Variants in SCN3A observed in about 807,000 individuals in gnomAD.
SCN3A encodes the protein sodium voltage-gated channel alpha subunit 3.
In SCN3A, 60 loss-of-function variants were observed where a neutral mutation model predicts 187.6. The ratio of observed to expected loss-of-function variants is 0.32; its 90% CI spans 0.26 to 0.40. SCN3A has a LOEUF of 0.40. SCN3A is among the 10% of genes least tolerant of loss of function. SCN3A has a pLI of 1.00. For synonymous variants in SCN3A, 788 were observed against 829.2 expected, an observed-to-expected ratio of 0.95 and a Z score of 0.85; for missense variants, 1,601 against 2,428.2, an observed-to-expected ratio of 0.66 and a Z score of 7.16.
At position 165,101,241 on chromosome 2, in the gene SCN3A, T is replaced by C. The variant is rs965685369; in HGVS notation, c.3844-817A>G. ...ATTCCAAAATCCAAAACACTTCTGGTTTTTGATAAGACTTAACTTGTATTT... is the reference window on the plus strand; with the variant it reads ...ATTCCAAAATCCAAAACACTTCTGGCTTTTGATAAGACTTAACTTGTATTT... On this transcript the variant is annotated intron_variant, in intron 21 of 27. Coordinates refer to ENST00000283254, the MANE Select transcript of SCN3A (RefSeq NM_006922.4). Among the ~76,000 whole-genome samples, 24 of 152,186 alleles carry C rather than the reference T, an allele frequency of 1.6e-4. 1 individual carries two copies. Among genetic ancestry groups the C allele is most frequent in the African/African-American group, 5.8e-4 (24 of 41,462 alleles).
intron 1 of SCN3A, chr2:165,195,354 T>A (rs1350204812): frequency 6.6e-6 from 1 of 152,162 alleles, no homozygotes; most frequent in African/African-American, 2.4e-5. Flanking sequence ...AGGATCCTGA[T>A]AAAATTGCCA....
chr2:165,122,957 G>C (rs1470394354), intron 18 of SCN3A: 1 of 152,106 alleles, frequency 6.6e-6, no homozygotes, highest in Non-Finnish European at 1.5e-5. Context: ...GCTAGATTGT[G>C]TTTGGAATTC....
intron 4 of SCN3A, 63 bp from the exon 5 acceptor site, chr2:165,168,888 A>G (rs1427066431): frequency 8.7e-7 from 1 of 1,155,008 alleles, no homozygotes; most frequent in African/African-American, 1.5e-5. Context: ...ATGATCCAAA[A>G]CACACAAAAA....
intron 2 of SCN3A, among the ~76,000 whole-genome samples, chr2:165,177,262 TG>T (rs1183674394): frequency 6.6e-6 from 1 of 152,190 alleles, no homozygotes; most frequent in Non-Finnish European, 1.5e-5. Flanking sequence ...GTTAAAAGCA[TG>T]GACTCAGGTG....
At chr2:165,099,514 C>T (rs964991497) in intron 22 of SCN3A, among the ~76,000 whole-genome samples, 7 of 152,126 alleles carry the variant, frequency 4.6e-5, no homozygotes, top group South Asian at 2.1e-4. Context: ...GTCAGGGGAT[C>T]GAGACCATCC....
chr2:165,186,299 AAAAC>A (rs1330074592), intron 2 of SCN3A, among the ~76,000 whole-genome samples: 4 of 151,838 alleles, frequency 2.6e-5, no homozygotes, highest in Non-Finnish European at 4.4e-5. Flanking sequence ...CAAAAAAACA[AAAAC>A]AAAAAAAAAA....
chr2:165,168,622 A>G, intron 5 of SCN3A, 114 bp downstream of exon 5: 2 of 801,518 alleles, frequency 2.5e-6, no homozygotes. Context: ...TCATATTATG[A>G]AAATAACTTT....
At chr2:165,192,681 C>T (rs1366623681) in intron 1 of SCN3A, among the ~76,000 whole-genome samples, 3 of 152,128 alleles carry the variant, frequency 2.0e-5, no homozygotes, top group African/African-American at 4.8e-5. Context: ...AAAATGTTCA[C>T]GCTGTCTGAA....
At position 165,128,690 on chromosome 2, in the gene SCN3A, T is replaced by C. The variant is rs562903923; in HGVS notation, c.2923-589A>G. On this transcript the variant is annotated intron_variant, in intron 17 of 27. Transcript: ENST00000283254. ...AACACGTTTCCCATCAAATACACTT[T>C]GAAATTTATATGTTCAAATAGCTCA... Among the ~76,000 whole-genome samples, 4 of 152,352 alleles carry C rather than the reference T, an allele frequency of 2.6e-5. No homozygotes were observed. The East Asian group carries it at 7.7e-4, about 29-fold the overall frequency.
rs978151068 is a variant in SCN3A, at chr2:165,162,111, A to G, written c.1031+197T>C. Among the ~76,000 whole-genome samples the G allele has an allele frequency of 5.9e-4, 90 of 152,310 alleles. 1 individual carries two copies. Among genetic ancestry groups the G allele is most frequent in the African/African-American group, 1.9e-3 (78 of 41,570 alleles). On this transcript the variant is annotated intron_variant, in intron 9 of 27. Transcript: ENST00000283254. Reference sequence around the variant, plus strand: ...AAATTTTGGGGAAAGGTCTTCACAAAGGGATAATTTTTAATTGCTGTGAGT... The same window carrying G: ...AAATTTTGGGGAAAGGTCTTCACAAGGGGATAATTTTTAATTGCTGTGAGT...
rs572791597 is a variant in SCN3A, at chr2:165,188,900, C to T, written c.-247-2153G>A. 1.9e-4 allele frequency among the ~76,000 whole-genome samples: 29 copies of T among 150,670 alleles called. No individual in the cohort carries two copies. In the South Asian group the frequency reaches 5.9e-3, roughly 31 times the overall value. ...TCTGGAGATTCTGCAAAAAGTAGGTCTGAGGTAGGGTCGAGGGATCTGCAT... is the reference window on the plus strand; with the variant it reads ...TCTGGAGATTCTGCAAAAAGTAGGTTTGAGGTAGGGTCGAGGGATCTGCAT... On this transcript the variant is annotated intron_variant, in intron 1 of 27. Transcript: ENST00000283254.
At chr2:165,144,302 C>G (rs1185730839) in intron 12 of SCN3A, among the ~76,000 whole-genome samples, 1 of 151,882 alleles carries the variant, frequency 6.6e-6, no homozygotes, top group Non-Finnish European at 1.5e-5. Context: ...AAATTTAAAA[C>G]TAATAGATTA....
chr2:165,176,635 A>G (rs2105925840), intron 2 of SCN3A, among the ~76,000 whole-genome samples, 191 bp from the exon 3 acceptor site: 1 of 152,292 alleles, frequency 6.6e-6, no homozygotes, highest in South Asian at 2.1e-4. Context: ...AAGTTCATAA[A>G]TCTATCAAAA....
intron 26 of SCN3A, 84 bp downstream of exon 26, chr2:165,094,290 A>C (rs996615674): frequency 2.1e-6 from 2 of 967,006 alleles, no homozygotes; most frequent in African/African-American, 3.2e-5. Context: ...GATATCACCT[A>C]ATATGTTCTG....
chr2:165,091,835 C>A (rs903745140), intron 27 of SCN3A: 2 of 297,818 alleles, frequency 6.7e-6, no homozygotes, highest in Non-Finnish European at 1.3e-5. Context: ...TGAAGACCCA[C>A]CTAGGATGCA....
chr2:165,165,903 C>T (rs142025362), intron 5 of SCN3A, among the ~76,000 whole-genome samples: 1 of 152,126 alleles, frequency 6.6e-6, no homozygotes, highest in Non-Finnish European at 1.5e-5. Context: ...GCAATAATTC[C>T]TATCTTTACT....
At chr2:165,135,479 A>G (rs1253126190) in intron 15 of SCN3A, among the ~76,000 whole-genome samples, 1 of 152,040 alleles carries the variant, frequency 6.6e-6, no homozygotes, top group Non-Finnish European at 1.5e-5. Flanking sequence ...TAGTCTGTAG[A>G]TATTCTAAAT....
At chr2:165,109,627 A>G (rs777255546) in intron 21 of SCN3A, among the ~76,000 whole-genome samples, 2 of 151,786 alleles carry the variant, frequency 1.3e-5, no homozygotes, top group Non-Finnish European at 2.9e-5. Context: ...TAAAATCTCC[A>G]CTTTCTTGCA....
chr2:165,129,212 C>T (rs116824141), intron 17 of SCN3A, among the ~76,000 whole-genome samples: 274 of 152,294 alleles, frequency 1.8e-3, no homozygotes, highest in African/African-American at 6.3e-3. Flanking sequence ...GCTTTGCCCA[C>T]GCATGACTGA....
Sources: gnomAD v4.1 joint callset for allele counts (sites outside exome capture counted in the v4.1 genomes callset) on GRCh38, gnomAD v4.1.1 for gene constraint, MANE v1.5 for transcripts, NCBI Gene and HGNC (gene_info 2026-07-23, HGNC 2026-07-21) for gene names.